The following OAT variants were observed in gnomAD, a reference collection of about 807,000 sequenced individuals.
OAT encodes the protein ornithine aminotransferase, mitochondrial.
OAT carries 35 observed loss-of-function variants against 48.4 expected under a neutral mutation model. The observed-to-expected ratio is 0.72, with a 90% CI of 0.55 to 0.96. The LOEUF is 0.96. Among genes scored for constraint, OAT ranks in the 40% least tolerant of loss-of-function variants. The probability of loss-of-function intolerance (pLI) is 0.00; values close to 1 mark genes in which losing one functional copy is unlikely to be tolerated. For missense variants in OAT, 438 were observed against 537.9 expected (o/e 0.81, Z 1.84); for synonymous variants, 182 against 198.4 (o/e 0.92, Z 0.70).
At chr10:124,408,503 A>G in intron 4 of OAT, 39 bp downstream of exon 4, 1 of 1,529,600 alleles carries the variant, frequency 6.5e-7, no homozygotes, top group South Asian at 1.1e-5. Flanking sequence ...ATTATATTGT[A>G]TGTTTCAATC....
In OAT at chr10:124,412,220, T is replaced by C. The variant is rs1365793304; in HGVS notation, c.-29-20A>G. ...ACAGATCTGTCCAAAGAAAAGAGAA[T>C]GCATTAAGAGTGAGAATCCTTGGCT... is the stretch of plus-strand genomic sequence containing the variant. On this transcript the variant is annotated intron_variant, in intron 1 of 9. Coordinates refer to ENST00000368845, the MANE Select transcript of OAT (RefSeq NM_000274.4). 6.4e-6 allele frequency: 10 copies of C among 1,559,406 alleles called. No individual in the cohort carries two copies. Among genetic ancestry groups the C allele is most frequent in the Middle Eastern group, 2.2e-4 (1 of 4,646 alleles).
At chr10:124,406,084 G>T in intron 4 of OAT, 1 of 985,206 alleles carries the variant, frequency 1.0e-6, no homozygotes, top group Non-Finnish European at 1.2e-6. Context: ...TACCTTCCTT[G>T]ATATTATAAT....
At chr10:124,401,893 G>A in intron 7 of OAT, 54 bp from the exon 8 acceptor site, 1 of 1,345,054 alleles carries the variant, frequency 7.4e-7, no homozygotes, top group East Asian at 2.3e-5. Flanking sequence ...ATTCTACTAA[G>A]CATCCTTTTC....
In OAT at chr10:124,405,353, A is replaced by T; in HGVS notation, c.648+83T>A. 4.4e-6 allele frequency: 7 copies of T among 1,589,184 alleles called. No individual in the cohort carries two copies. In the South Asian group the frequency reaches 7.8e-5, roughly 18 times the overall value. ...AGTGAGATAAATTTGCATTACTGTC[A>T]TATAATGTACTTTTAATTCATATAT... On this transcript the variant is annotated intron_variant, in intron 5 of 9. Coordinates refer to ENST00000368845, the MANE Select transcript of OAT (RefSeq NM_000274.4).
intron 6 of OAT, 113 bp from the exon 7 acceptor site, chr10:124,403,168 C>T (rs1951464896): frequency 8.3e-7 from 1 of 1,203,314 alleles, no homozygotes; most frequent in Admixed American, 1.8e-5. Flanking sequence ...TTCTGATGTG[C>T]CCTCAAATTT....
chr10:124,417,968 T>C (rs1004722096), intron 1 of OAT, among the ~76,000 whole-genome samples: 2 of 152,214 alleles, frequency 1.3e-5, no homozygotes, highest in African/African-American at 4.8e-5. Context: ...CCCAGGTGAC[T>C]TCGGGCCTCA....
At chr10:124,400,373 G>T (rs899262483) in intron 9 of OAT, among the ~76,000 whole-genome samples, 1 of 151,318 alleles carries the variant, frequency 6.6e-6, no homozygotes, top group Non-Finnish European at 1.5e-5. Context: ...GCTTGAACCG[G>T]GGCATCGGAA....
intron 5 of OAT, among the ~76,000 whole-genome samples, chr10:124,405,096 G>T (rs1028530983): frequency 1.3e-5 from 2 of 152,128 alleles, no homozygotes; most frequent in Non-Finnish European, 2.9e-5. Context: ...GCCTTTTAAA[G>T]CCAACTTAAG....
chr10:124,417,221 T>TGG (rs71026084), intron 1 of OAT, among the ~76,000 whole-genome samples: 24 of 145,118 alleles, frequency 1.7e-4, no homozygotes, highest in Non-Finnish European at 3.0e-4. Flanking sequence ...GATTTTTCTT[T>TGG]GGGGGGGGGA....
chr10:124,411,238 G>T (rs535897747), intron 2 of OAT, among the ~76,000 whole-genome samples: 2 of 151,912 alleles, frequency 1.3e-5, no homozygotes, highest in Non-Finnish European at 2.9e-5. Context: ...CAGGCGGCGG[G>T]GGGAGAAGAG....
In OAT at chr10:124,412,483, C is replaced by A. The variant is rs562315760; in HGVS notation, c.-29-283G>T. ...TGAGATTGTGCCACTGTACTCCAAC[C>A]TGGGAGACAAAGAAAGGCCCAGTCT... On this transcript the variant is annotated intron_variant, in intron 1 of 9. Coordinates refer to ENST00000368845, the MANE Select transcript of OAT (RefSeq NM_000274.4). 2.0e-5 allele frequency among the ~76,000 whole-genome samples: 3 copies of A among 151,760 alleles called. No homozygotes were observed. The East Asian group carries it at 5.8e-4, about 30-fold the overall frequency.
In OAT at chr10:124,405,826, C is replaced by T. The variant is rs911596412; in HGVS notation, c.521-263G>A. The T allele has an allele frequency of 1.6e-5, 20 of 1,259,336 alleles. No homozygotes were observed. The South Asian group carries it at 3.0e-4, about 19-fold the overall frequency. 78.0% of individuals were successfully genotyped at this position (1,259,336 alleles called of 1,614,324 possible). A position where few individuals can be genotyped will look rare whatever the true frequency, so the allele number is the denominator to read the frequency against. On this transcript the variant is annotated intron_variant, in intron 4 of 9. Transcript: ENST00000368845. ...GAGCCTCTTGACTGGAATATATAGC[C>T]CCTGAAGATAGATAACTTACTTTTC... is the stretch of plus-strand genomic sequence containing the variant.
intron 4 of OAT, among the ~76,000 whole-genome samples, 199 bp downstream of exon 4, chr10:124,408,338 TATATA>T (rs1350471568): frequency 1.9e-3 from 197 of 101,366 alleles, no homozygotes; most frequent in African/African-American, 6.3e-3. Context: ...TATATATATA[TATATA>T]TTTTTTTTTT....
At chr10:124,406,978 T>C (rs1470423661) in intron 4 of OAT, 1 of 985,190 alleles carries the variant, frequency 1.0e-6, no homozygotes, top group Non-Finnish European at 1.2e-6. Context: ...CCATGTAAAA[T>C]AACAGAGAGG....
At chr10:124,404,552 G>T (rs1338062923) in intron 5 of OAT, among the ~76,000 whole-genome samples, 1 of 151,972 alleles carries the variant, frequency 6.6e-6, no homozygotes, top group Non-Finnish European at 1.5e-5. Context: ...CTCCCAAAGT[G>T]CTGCGATTAC....
At position 124,398,035 on chromosome 10, in the gene OAT, G is replaced by A. The variant is rs941559778; in HGVS notation, c.1227C>T (p.Gly409=). The change falls in exon 10 of 10, where the codon GGC becomes GGT. Residue 409 remains glycine (G), a synonymous_variant. Coordinates refer to ENST00000368845, the MANE Select transcript of OAT (RefSeq NM_000274.4). ...DNGLLAKPTH[G]DIIRFAPPLV... is the part of the protein sequence containing the mutation. The stretch of plus-strand genomic sequence containing the variant: ...GCGGAGGCGCAAACCTGATAATGTC[G>A]CCATGGGTTGGCTTGGCCAGAAGTC... The A allele has an allele frequency of 3.4e-5, 55 of 1,613,912 alleles. No individual in the cohort carries two copies. Among genetic ancestry groups the A allele is most frequent in the Non-Finnish European group, 4.2e-5 (49 of 1,179,972 alleles).
intron 2 of OAT, among the ~76,000 whole-genome samples, chr10:124,409,551 TAAAA>T (rs1178077434): frequency 9.1e-5 from 4 of 43,886 alleles, no homozygotes; most frequent in Middle Eastern, 9.6e-3. Flanking sequence ...ATCCTGCCTA[TAAAA>T]AAAAAAAATA....
At chr10:124,404,911 G>A (rs1219284108) in intron 5 of OAT, among the ~76,000 whole-genome samples, 1 of 152,180 alleles carries the variant, frequency 6.6e-6, no homozygotes, top group Non-Finnish European at 1.5e-5. Context: ...GGGTGTGGTG[G>A]TGTGTGCCTG....
chr10:124,406,189 G>T, intron 4 of OAT: 2 of 895,420 alleles, frequency 2.2e-6, no homozygotes, highest in South Asian at 5.2e-5. Context: ...GTCAGGCATT[G>T]TTTTAGATGT....
Sources: allele counts gnomAD v4.1 joint callset (sites outside exome capture counted in the v4.1 genomes callset), GRCh38; gene constraint gnomAD v4.1.1; transcripts MANE v1.5; gene names NCBI Gene and HGNC (gene_info 2026-07-23, HGNC 2026-07-21).